Variants in ASIC2 observed in about 807,000 individuals in gnomAD.
The protein encoded by ASIC2 is acid sensing ion channel subunit 2, also known as acid-sensing ion channel 2.
Under a neutral mutation model 57.3 loss-of-function variants are expected in ASIC2, and 25 were observed. The observed-to-expected ratio is 0.44, with a 90% CI of 0.32 to 0.61. The LOEUF (loss-of-function observed/expected upper bound fraction) is 0.61. ASIC2 is among the 20% of genes least tolerant of loss of function. ASIC2 has a pLI of 0.06. For synonymous variants in ASIC2, 319 were observed against 307.5 expected (o/e 1.04, Z -0.39); for missense variants, 641 against 738.1 (o/e 0.87, Z 1.52).
intron 1 of ASIC2, among the ~76,000 whole-genome samples, chr17:33,257,407 T>TA (rs1367411767): frequency 6.6e-6 from 1 of 152,252 alleles, no homozygotes; most frequent in Non-Finnish European, 1.5e-5. Context: ...TGTCCAAGCA[T>TA]ATTCTAAGAA....
intron 1 of ASIC2, among the ~76,000 whole-genome samples, chr17:34,052,910 T>C (rs1908624865): frequency 6.6e-6 from 1 of 152,012 alleles, no homozygotes; most frequent in Non-Finnish European, 1.5e-5. Context: ...TGAGCCACCA[T>C]GCCCAGCCAA....
chr17:33,103,948 C>G (rs1372380186), intron 2 of ASIC2, among the ~76,000 whole-genome samples: 1 of 152,130 alleles, frequency 6.6e-6, no homozygotes, highest in Non-Finnish European at 1.5e-5. Flanking sequence ...CCTGGTTTTA[C>G]CTCCACCTCT....
chr17:34,055,456 T>C (rs1015245041), intron 1 of ASIC2, among the ~76,000 whole-genome samples: 1 of 152,228 alleles, frequency 6.6e-6, no homozygotes, highest in East Asian at 1.9e-4. Context: ...TACAATAAAA[T>C]GTACAAATCC....
chr17:33,029,675 T>C (rs981431362), intron 3 of ASIC2, among the ~76,000 whole-genome samples: 1 of 152,246 alleles, frequency 6.6e-6, no homozygotes, highest in Non-Finnish European at 1.5e-5. Flanking sequence ...GTTTGTAAGA[T>C]AGGTATAGGC....
intron 1 of ASIC2, among the ~76,000 whole-genome samples, chr17:33,187,906 A>G (rs1597621621): frequency 2.9e-5 from 3 of 102,130 alleles, no homozygotes; most frequent in African/African-American, 1.1e-4. Flanking sequence ...GTCAGGGATG[A>G]AAAAAAAAAA....
intron 1 of ASIC2, among the ~76,000 whole-genome samples, chr17:33,961,987 C>A (rs1156257653): frequency 6.6e-6 from 1 of 152,196 alleles, no homozygotes; most frequent in Non-Finnish European, 1.5e-5. Context: ...GGAGGAATTC[C>A]TCGGTTCCAG....
intron 1 of ASIC2, among the ~76,000 whole-genome samples, chr17:33,150,713 A>G (rs573276224): frequency 0.13 from 12,696 of 96,562 alleles, 1,171 homozygotes; most frequent in East Asian, 0.19. Context: ...AGCCGGGCGT[A>G]GTGGCGGGCG....
At chr17:33,701,934 T>C (rs1908713863) in intron 1 of ASIC2, among the ~76,000 whole-genome samples, 1 of 152,248 alleles carries the variant, frequency 6.6e-6, no homozygotes, top group African/African-American at 2.4e-5. Flanking sequence ...ACAATTTGTC[T>C]AAGTGAGTTC....
At chr17:33,755,762 A>C (rs1910585413) in intron 1 of ASIC2, among the ~76,000 whole-genome samples, 1 of 152,184 alleles carries the variant, frequency 6.6e-6, no homozygotes, top group African/African-American at 2.4e-5. Flanking sequence ...GCAAACATAA[A>C]CACGCAGGAT....
At chr17:33,748,356 G>T (rs1597860286) in intron 1 of ASIC2, among the ~76,000 whole-genome samples, 1 of 152,208 alleles carries the variant, frequency 6.6e-6, no homozygotes, top group Non-Finnish European at 1.5e-5. Context: ...ATCCTTCAGT[G>T]CAGGGGCTTG....
intron 1 of ASIC2, among the ~76,000 whole-genome samples, chr17:33,302,389 TC>T (rs1383652372): frequency 6.6e-6 from 1 of 152,170 alleles, no homozygotes; most frequent in East Asian, 1.9e-4. Context: ...TCCTTTACTG[TC>T]CCCTTAACTG....
At chr17:33,694,837 C>T (rs1203769944) in intron 1 of ASIC2, among the ~76,000 whole-genome samples, 1 of 152,142 alleles carries the variant, frequency 6.6e-6, no homozygotes, top group Non-Finnish European at 1.5e-5. Flanking sequence ...TGTTTTTCCT[C>T]CATGCAGCTT....
At chr17:33,691,207 G>T (rs1489508811) in intron 1 of ASIC2, among the ~76,000 whole-genome samples, 3 of 152,096 alleles carry the variant, frequency 2.0e-5, no homozygotes, top group Non-Finnish European at 4.4e-5. Context: ...ACATCATTTT[G>T]CACATCTGTG....
intron 1 of ASIC2, among the ~76,000 whole-genome samples, chr17:34,139,718 C>G (rs1912220769): frequency 6.6e-6 from 1 of 151,750 alleles, no homozygotes; most frequent in African/African-American, 2.4e-5. Context: ...TCTATAGAGA[C>G]AGAAAATAGA....
At chr17:33,558,054 CCTTCTTGGTATCTATTT>C (rs1362899482) in intron 1 of ASIC2, among the ~76,000 whole-genome samples, 1 of 151,936 alleles carries the variant, frequency 6.6e-6, no homozygotes, top group African/African-American at 2.4e-5. Flanking sequence ...AACATTTGGG[CCTTCTTGGTATCTATTT>C]CTATTAAAGA....
chr17:33,682,002 A>G (rs1339014611), intron 1 of ASIC2, among the ~76,000 whole-genome samples: 3 of 151,176 alleles, frequency 2.0e-5, no homozygotes, highest in Non-Finnish European at 2.9e-5. Flanking sequence ...TGACCTTTGT[A>G]GAACTCTATG....
rs143981172 is a variant in ASIC2 at position 33,014,621 on chromosome 17, A to T, written c.1591-555T>A. Among the ~76,000 whole-genome samples, 730 of 152,162 alleles carry T rather than the reference A, an allele frequency of 4.8e-3. 3 individuals carry two copies. Among genetic ancestry groups the T allele is most frequent in the African/African-American group, 0.016 (658 of 41,508 alleles). On this transcript the variant is annotated intron_variant, in intron 9 of 9. Coordinates refer to ENST00000225823, the MANE Select transcript of ASIC2 (RefSeq NM_183377.2). ...CGGGGAGGGGCTGAGCTGGCCGCAC[A>T]TGAATCTTCAGGGTGGTTCCCAGGC...
At chr17:33,022,388 A>G (rs987466379) in intron 6 of ASIC2, among the ~76,000 whole-genome samples, 1 of 152,234 alleles carries the variant, frequency 6.6e-6, no homozygotes, top group African/African-American at 2.4e-5. Flanking sequence ...TTGCGGACAC[A>G]GAACATTTCC....
intron 2 of ASIC2, among the ~76,000 whole-genome samples, chr17:33,104,200 T>C (rs1175910678): frequency 6.6e-6 from 1 of 152,064 alleles, no homozygotes; most frequent in African/African-American, 2.4e-5. Flanking sequence ...TACTTACATA[T>C]ATAAAAAAAA....
Sources: allele counts gnomAD v4.1 joint callset (sites outside exome capture counted in the v4.1 genomes callset), GRCh38; gene constraint gnomAD v4.1.1; transcripts MANE v1.5; gene names NCBI Gene and HGNC (gene_info 2026-07-23, HGNC 2026-07-21).